STAG1: variants seen among roughly 807,000 people sequenced by gnomAD.
STAG1 encodes cohesin subunit SA-1.
STAG1 carries 26 observed loss-of-function variants against 170.9 expected under a neutral mutation model. The ratio of observed to expected loss-of-function variants is 0.15; its 90% confidence interval spans 0.11 to 0.21. The LOEUF (loss-of-function observed/expected upper bound fraction) is 0.21, where lower values mean the gene tolerates loss of function less well. STAG1 is among the 10% of genes least tolerant of loss of function. STAG1 has a pLI of 1.00. For missense variants in STAG1, 964 were observed against 1,509.5 expected (o/e 0.64, Z 5.99); for synonymous variants, 514 against 497.7 (o/e 1.03, Z -0.44).
At chr3:136,663,104 C>T (rs1016649185) in intron 1 of STAG1, among the ~76,000 whole-genome samples, 3 of 151,600 alleles carry the variant, frequency 2.0e-5, no homozygotes, top group African/African-American at 7.3e-5. Flanking sequence ...AAAATAAAAT[C>T]AAGTGGGTTG....
Position 136,418,122 on chromosome 3 carries a change from G to A in STAG1, c.2109-150C>T, listed in dbSNP as rs1014678630. On this transcript the variant is annotated intron_variant, in intron 20 of 33. Coordinates refer to ENST00000383202, the MANE Select transcript of STAG1 (RefSeq NM_005862.3). The stretch of plus-strand genomic sequence containing the variant: ...TAATCCCAGCACTCTGGAAGGCCGC[G>A]GCTGGCAAATCACTTGAGGTCAGGA... 21 of 621,576 alleles carry A rather than the reference G, an allele frequency of 3.4e-5. No homozygotes were observed. The East Asian group carries it at 3.8e-4, about 11-fold the overall frequency. 38.5% of individuals were successfully genotyped at this position (621,576 alleles called of 1,614,324 possible).
rs565342055 is a variant in STAG1 at position 136,479,223 on chromosome 3, C to A, written c.903-1811G>T. Among the ~76,000 whole-genome samples the A allele has an allele frequency of 1.5e-3, 179 of 119,142 alleles. 1 individual carries two copies. Among genetic ancestry groups the A allele is most frequent in the Non-Finnish European group, 2.6e-3 (147 of 57,534 alleles). 78.2% of individuals were successfully genotyped at this position (119,142 alleles called of 152,430 possible). On this transcript the variant is annotated intron_variant, in intron 9 of 33. Transcript: ENST00000383202. ...GGTATATCTCCCAATGCTATCCCTC[C>A]CCCCTCCCCTGACCCCACCACCGTC...
At chr3:136,506,310 G>A (rs374477693) in intron 7 of STAG1, among the ~76,000 whole-genome samples, 1 of 151,988 alleles carries the variant, frequency 6.6e-6, no homozygotes, top group African/African-American at 2.4e-5. Context: ...AATAGGTAGA[G>A]AGAAATTGTT....
chr3:136,701,963 CTT>C (rs552750389), intron 1 of STAG1, among the ~76,000 whole-genome samples: 2 of 145,254 alleles, frequency 1.4e-5, no homozygotes, highest in African/African-American at 2.5e-5. Flanking sequence ...TTCTTTTACT[CTT>C]TTTTTTTTTT....
chr3:136,717,277 C>A (rs1943567750), intron 1 of STAG1, among the ~76,000 whole-genome samples: 3 of 152,164 alleles, frequency 2.0e-5, no homozygotes, highest in Non-Finnish European at 2.9e-5. Context: ...CTATATAGAT[C>A]AGACATAGAA....
intron 29 of STAG1, among the ~76,000 whole-genome samples, chr3:136,344,594 A>AC (rs936352223): frequency 1.3e-5 from 2 of 150,420 alleles, no homozygotes; most frequent in South Asian, 2.1e-4. Context: ...CCCCTACCCA[A>AC]CCCCCCACTT....
intron 23 of STAG1, among the ~76,000 whole-genome samples, chr3:136,377,304 G>A (rs1172892477): frequency 1.5e-4 from 21 of 144,342 alleles, no homozygotes; most frequent in Middle Eastern, 3.7e-3. Context: ...GGAGAATGGC[G>A]TGAACCCGGG....
rs534567619 is a variant in STAG1, at chr3:136,474,009, A to AT, written c.1027-373dup. Among the ~76,000 whole-genome samples the AT allele has an allele frequency of 7.9e-5, 12 of 152,280 alleles. No individual in the cohort carries two copies. In the South Asian group the frequency reaches 2.3e-3, roughly 29 times the overall value. ...TTGAATAATTCTGTGGAAAAACCTG[A>AT]TTTTTATACAAAATGGTCATCATTT... On this transcript the variant is annotated intron_variant, in intron 10 of 33. Transcript: ENST00000383202.
At chr3:136,459,793 C>T (rs1019506585) in intron 13 of STAG1, among the ~76,000 whole-genome samples, 4 of 152,036 alleles carry the variant, frequency 2.6e-5, no homozygotes, top group Non-Finnish European at 4.4e-5. Context: ...TTTAGAATTT[C>T]GTGAGAGAAA....
At chr3:136,637,872 A>ATTT (rs769669998) in intron 1 of STAG1, among the ~76,000 whole-genome samples, 1 of 141,014 alleles carries the variant, frequency 7.1e-6, no homozygotes, top group Admixed American at 7.2e-5. Context: ...GTGTGAACAC[A>ATTT]TTTTTTTTTT....
At chr3:136,433,266 G>C (rs1414412226) in intron 16 of STAG1, among the ~76,000 whole-genome samples, 1 of 151,844 alleles carries the variant, frequency 6.6e-6, no homozygotes, top group African/African-American at 2.4e-5. Flanking sequence ...TTTGCTTCCA[G>C]AGCCTTTATG....
intron 9 of STAG1, among the ~76,000 whole-genome samples, chr3:136,499,284 A>T (rs565489626): frequency 6.6e-6 from 1 of 152,098 alleles, no homozygotes; most frequent in African/African-American, 2.4e-5. Context: ...CCTCTGGTTC[A>T]GGCAATCCTC....
chr3:136,475,330 A>G (rs944877247), intron 10 of STAG1, among the ~76,000 whole-genome samples: 1 of 151,800 alleles, frequency 6.6e-6, no homozygotes, highest in African/African-American at 2.4e-5. Context: ...CATTTTTAGT[A>G]GAGACAGGGT....
chr3:136,458,948 G>A (rs889139422), intron 13 of STAG1, among the ~76,000 whole-genome samples: 4 of 152,138 alleles, frequency 2.6e-5, no homozygotes, highest in Non-Finnish European at 4.4e-5. Flanking sequence ...GGCCAGGCAC[G>A]GTGGTGCAAG....
intron 12 of STAG1, among the ~76,000 whole-genome samples, chr3:136,465,906 T>C (rs552089444): frequency 2.7e-4 from 41 of 152,278 alleles, no homozygotes; most frequent in Middle Eastern, 3.4e-3. Flanking sequence ...CAGCTGAGCA[T>C]GGCAGTGCAT....
Position 136,338,535 on chromosome 3 carries a change from A to G in STAG1, c.3673-85T>C, listed in dbSNP as rs1375460610. The G allele has an allele frequency of 7.2e-6, 7 of 971,206 alleles. No individual in the cohort carries two copies. The East Asian group carries it at 9.9e-5, about 14-fold the overall frequency. 60.2% of individuals were successfully genotyped at this position (971,206 alleles called of 1,614,324 possible). A position where few individuals can be genotyped will look rare whatever the true frequency, so the allele number is the denominator to read the frequency against. On this transcript the variant is annotated intron_variant, in intron 32 of 33. Transcript: ENST00000383202. ...ATAATCAGCTAATATTTCTGACAGT[A>G]TCATAAATATATGGAACTGCTAAGA...
intron 28 of STAG1, among the ~76,000 whole-genome samples, chr3:136,353,596 C>T (rs1056565207): frequency 2.0e-5 from 3 of 152,190 alleles, no homozygotes; most frequent in Non-Finnish European, 2.9e-5. Context: ...AACTATCAAA[C>T]GAGAATCTTA....
chr3:136,445,402 T>A (rs2088749617), intron 14 of STAG1, among the ~76,000 whole-genome samples: 1 of 152,162 alleles, frequency 6.6e-6, no homozygotes, highest in Non-Finnish European at 1.5e-5. Context: ...ATAAATTGTT[T>A]CAAAACTGTT....
intron 24 of STAG1, among the ~76,000 whole-genome samples, chr3:136,367,989 T>C (rs1937146773): frequency 6.6e-6 from 1 of 152,188 alleles, no homozygotes; most frequent in South Asian, 2.1e-4. Context: ...ATCAACCTTC[T>C]TTCTTCTCTC....
Sources: allele counts gnomAD v4.1 joint callset (sites outside exome capture counted in the v4.1 genomes callset), GRCh38; gene constraint gnomAD v4.1.1; transcripts MANE v1.5; gene names NCBI Gene and HGNC (gene_info 2026-07-23, HGNC 2026-07-21).